Variants in MOCS1 observed in about 807,000 individuals in gnomAD.
MOCS1 encodes the protein molybdenum cofactor biosynthesis protein 1.
In MOCS1, 39 loss-of-function variants were observed where a neutral mutation model predicts 57.6. The ratio of observed to expected loss-of-function variants is 0.68; its 90% CI spans 0.52 to 0.88. The LOEUF (loss-of-function observed/expected upper bound fraction) is 0.88, where lower values mean the gene tolerates loss of function less well. Among genes scored for constraint, MOCS1 ranks in the 40% least tolerant of loss-of-function variants. MOCS1 has a pLI of 0.00. For missense variants in MOCS1, 795 were observed against 831.1 expected (o/e 0.96, Z 0.53); for synonymous variants, 334 against 335.7 (o/e 1.00, Z 0.05).
intron 8 of MOCS1, among the ~76,000 whole-genome samples, chr6:39,912,047 AGAAG>A (rs561254500): frequency 6.6e-6 from 1 of 152,168 alleles, no homozygotes; most frequent in African/African-American, 2.4e-5. Flanking sequence ...AGGGCCCCAC[AGAAG>A]GAAGGAAGGA....
At chr6:39,933,593 A>T (rs970493961) in intron 1 of MOCS1, among the ~76,000 whole-genome samples, 8 of 152,124 alleles carry the variant, frequency 5.3e-5, no homozygotes, top group African/African-American at 1.9e-4. Flanking sequence ...TTCCCTAACC[A>T]CCTGAGCAGA....
rs1280908345 is a variant in MOCS1, at chr6:39,905,814, T to G, written c.*543A>C. The stretch of plus-strand genomic sequence containing the variant: ...ACACAGACTTGGGCAGAAGGAGAGA[T>G]GAAGTCAGGACAGGACAGGACAGGG... On this transcript the variant is annotated 3_prime_UTR_variant, in exon 11 of 11. Coordinates refer to ENST00000340692, the MANE Select transcript of MOCS1 (RefSeq NM_001358530.2). 1 of 470,164 alleles carries G rather than the reference T, an allele frequency of 2.1e-6. No homozygotes were observed. Among genetic ancestry groups the G allele is most frequent in the Admixed American group, 2.4e-5 (1 of 42,534 alleles). The allele number at this position is 470,164 out of a possible 1,614,324, so 29.1% of individuals were successfully genotyped here.
intron 3 of MOCS1, 69 bp downstream of exon 3, chr6:39,925,609 C>T (rs113595825): frequency 4.4e-6 from 7 of 1,583,026 alleles, no homozygotes; most frequent in African/African-American, 2.7e-5. Flanking sequence ...CCACTGTTAA[C>T]ATCGGCATCA....
At chr6:39,927,933 G>C (rs547602584) in intron 1 of MOCS1, among the ~76,000 whole-genome samples, 1 of 152,084 alleles carries the variant, frequency 6.6e-6, no homozygotes, top group African/African-American at 2.4e-5. Flanking sequence ...AGTCTGATCC[G>C]TCTCCCCCTG....
intron 7 of MOCS1, 60 bp from the exon 8 acceptor site, chr6:39,912,434 T>C: frequency 8.3e-7 from 1 of 1,197,940 alleles, no homozygotes; most frequent in Non-Finnish European, 1.2e-6. Flanking sequence ...TGAGCCCAGT[T>C]TCTCACTCCA....
intron 3 of MOCS1, among the ~76,000 whole-genome samples, chr6:39,924,106 C>T (rs975873242): frequency 6.6e-6 from 1 of 152,210 alleles, no homozygotes; most frequent in East Asian, 1.9e-4. Flanking sequence ...AAGCTCATGG[C>T]AAGAGGCCCT....
chr6:39,904,941 T>C lies in MOCS1; in HGVS notation c.*1416A>G, dbSNP rs1395313615. ...GGGCTGAGAGTGTGCTGGAGCCAGC[T>C]TGTACCAGCTCTGTGAGAACCAATT... On this transcript the variant is annotated 3_prime_UTR_variant, in exon 11 of 11. Transcript: ENST00000340692. 2.9e-5 allele frequency: 13 copies of C among 454,022 alleles called. No individual in the cohort carries two copies. Among genetic ancestry groups the C allele is most frequent in the Non-Finnish European group, 5.3e-5 (12 of 226,808 alleles). 28.1% of individuals were successfully genotyped at this position (454,022 alleles called of 1,614,324 possible).
rs76269658 is a variant in MOCS1, at chr6:39,916,686, C to T, written c.419-454G>A. Among the ~76,000 whole-genome samples the T allele has an allele frequency of 4.2e-3, 645 of 152,276 alleles. 3 individuals are homozygous for T. The highest frequency in any genetic ancestry group is 0.031 in the East Asian group (161 of 5,184). ...GAAACAAAAGTGTTTGAATTAAGTGCTATTTGACAGCTCCATTCTACCAAA... is the reference window on the plus strand; with the variant it reads ...GAAACAAAAGTGTTTGAATTAAGTGTTATTTGACAGCTCCATTCTACCAAA... On this transcript the variant is annotated intron_variant, in intron 3 of 10. Transcript: ENST00000340692.
At chr6:39,927,885 G>C (rs886812905) in intron 1 of MOCS1, among the ~76,000 whole-genome samples, 6 of 151,574 alleles carry the variant, frequency 4.0e-5, no homozygotes, top group African/African-American at 1.5e-4. Flanking sequence ...AGAAAGGAGG[G>C]AGCCGGCTTC....
At chr6:39,910,271 A>G (rs1170651921) in intron 8 of MOCS1, among the ~76,000 whole-genome samples, 1 of 152,254 alleles carries the variant, frequency 6.6e-6, no homozygotes. Flanking sequence ...CTTCTGAGAC[A>G]CTTGCTGGAA....
intron 8 of MOCS1, among the ~76,000 whole-genome samples, chr6:39,911,653 T>C (rs919519366): frequency 3.3e-5 from 5 of 152,162 alleles, no homozygotes; most frequent in Admixed American, 2.0e-4. Context: ...GTATGAACCC[T>C]ATGTATGCAC....
chr6:39,913,166 T>A (rs944819381), intron 6 of MOCS1, 151 bp downstream of exon 6: 3 of 877,540 alleles, frequency 3.4e-6, no homozygotes, highest in Non-Finnish European at 5.8e-6. Context: ...TTGAATCACA[T>A]CCACAGCGGG....
rs200653737 is a variant in MOCS1 at position 39,909,072 on chromosome 6, C to T, written c.1133G>A (p.Arg378Gln). ...TCACCCACCGATGAGGATCATGGGC[C>T]GGTTCTTCATCTGGGAAATACTGAA... ...GMFSISQMKNRPMILIELFLM... is the reference protein window; with the variant it reads ...GMFSISQMKNQPMILIELFLM... The change falls in exon 10 of 11, where the codon CGG becomes CAG. Residue 378 changes from arginine to glutamine, a missense_variant. Transcript: ENST00000340692. The T allele has an allele frequency of 1.5e-5, 24 of 1,605,170 alleles. No homozygotes were observed. Among genetic ancestry groups the T allele is most frequent in the African/African-American group, 8.3e-5 (6 of 72,296 alleles).
At chr6:39,927,814 G>A (rs973169377) in intron 1 of MOCS1, 54 of 1,277,764 alleles carry the variant, frequency 4.2e-5, no homozygotes, top group Non-Finnish European at 5.1e-5. Flanking sequence ...CCATGGTCTC[G>A]GGCATAAATG....
rs1482476934 is a variant in MOCS1 at position 39,913,581 on chromosome 6, G to C, written c.646-153C>G. The C allele has an allele frequency of 3.2e-6, 3 of 951,488 alleles. No homozygotes were observed. The East Asian group carries it at 7.6e-5, about 24-fold the overall frequency. The allele number at this position is 951,488 out of a possible 1,614,324, so 58.9% of individuals were successfully genotyped here. ...TTCTCTAAGTTACGGGATTCCTTGGGGTCACTGATTTTCTCGTTTCTCTCA... is the reference window on the plus strand; with the variant it reads ...TTCTCTAAGTTACGGGATTCCTTGGCGTCACTGATTTTCTCGTTTCTCTCA... On this transcript the variant is annotated intron_variant, in intron 5 of 10. Transcript: ENST00000340692.
At position 39,910,163 on chromosome 6, in the gene MOCS1, A is replaced by G. The variant is rs554534804; in HGVS notation, c.982-208T>C. 2.0e-5 allele frequency among the ~76,000 whole-genome samples: 3 copies of G among 152,320 alleles called. No individual in the cohort carries two copies. The East Asian group carries it at 5.8e-4, about 29-fold the overall frequency. ...GCAAGAGGCAAAATTCGACTTCCCA[A>G]TACCTATATGTGAGTTACAGTCATA... On this transcript the variant is annotated intron_variant, in intron 8 of 10. Transcript: ENST00000340692.
At chr6:39,917,338 A>G (rs965423429) in intron 3 of MOCS1, among the ~76,000 whole-genome samples, 3 of 152,194 alleles carry the variant, frequency 2.0e-5, no homozygotes, top group Admixed American at 2.0e-4. Flanking sequence ...ACTCACTATC[A>G]TGAGAACAGC....
At chr6:39,907,931 T>C (rs1465902973) in intron 10 of MOCS1, among the ~76,000 whole-genome samples, 1 of 152,216 alleles carries the variant, frequency 6.6e-6, no homozygotes, top group African/African-American at 2.4e-5. Flanking sequence ...TCTCTGAAAG[T>C]ATGAGGCAAA....
chr6:39,908,811 C>T (rs1345403108), intron 10 of MOCS1, among the ~76,000 whole-genome samples: 1 of 152,126 alleles, frequency 6.6e-6, no homozygotes, highest in Non-Finnish European at 1.5e-5. Context: ...CATCCCCCTG[C>T]TCTGATGTCT....
Sources: allele counts gnomAD v4.1 joint callset (sites outside exome capture counted in the v4.1 genomes callset), GRCh38; gene constraint gnomAD v4.1.1; transcripts MANE v1.5; gene names NCBI Gene and HGNC (gene_info 2026-07-23, HGNC 2026-07-21).